Variants in PRKG1 observed in about 807,000 individuals in gnomAD.
The protein encoded by PRKG1 is cGMP-dependent protein kinase 1.
A neutral mutation model predicts 88.1 loss-of-function variants in PRKG1; 35 were observed. That is an observed-to-expected ratio of 0.40 (90% CI 0.30 to 0.53). The LOEUF (loss-of-function observed/expected upper bound fraction) is 0.53, where lower values mean the gene tolerates loss of function less well. Ranked by LOEUF, PRKG1 falls within the 20% of genes least tolerant of loss-of-function variation. The probability of loss-of-function intolerance (pLI) is 0.59; values close to 1 mark genes in which losing one functional copy is unlikely to be tolerated. For missense variants in PRKG1, 540 were observed against 839.8 expected (o/e 0.64, Z 4.41); for synonymous variants, 303 against 292.5 (o/e 1.04, Z -0.37).
chr10:52,243,973 C>A (rs1840934605), intron 9 of PRKG1, among the ~76,000 whole-genome samples: 1 of 152,042 alleles, frequency 6.6e-6, no homozygotes, highest in African/African-American at 2.4e-5. Context: ...TTGGAAATAG[C>A]AGGAGCAAAC....
chr10:51,174,428 T>C (rs1233498042), intron 2 of PRKG1, among the ~76,000 whole-genome samples: 1 of 152,054 alleles, frequency 6.6e-6, no homozygotes, highest in African/African-American at 2.4e-5. Context: ...CTCCTTACAA[T>C]GTCTATGTAA....
chr10:51,469,161 A>G (rs58217278), intron 3 of PRKG1, among the ~76,000 whole-genome samples: 10,624 of 151,898 alleles, frequency 0.07, 431 homozygotes, highest in Middle Eastern at 0.14. Context: ...AACCTTAACT[A>G]TAGAAAGAAT....
At chr10:51,203,603 G>A (rs1207564732) in intron 2 of PRKG1, among the ~76,000 whole-genome samples, 1 of 152,174 alleles carries the variant, frequency 6.6e-6, no homozygotes, top group Non-Finnish European at 1.5e-5. Context: ...CAGCACTGTG[G>A]AAAGGCTTTG....
intron 3 of PRKG1, among the ~76,000 whole-genome samples, chr10:51,724,453 C>T (rs1310096253): frequency 2.0e-5 from 3 of 152,154 alleles, no homozygotes; most frequent in South Asian, 2.1e-4. Flanking sequence ...CTTTCAAAAC[C>T]GTCCCTACTG....
chr10:51,001,439 T>C (rs1243760535), intron 1 of PRKG1, among the ~76,000 whole-genome samples: 1 of 152,232 alleles, frequency 6.6e-6, no homozygotes, highest in Non-Finnish European at 1.5e-5. Flanking sequence ...AAATCTTTGA[T>C]AGGATACACA....
chr10:52,076,373 A>G (rs943285749), intron 7 of PRKG1, among the ~76,000 whole-genome samples: 2 of 152,246 alleles, frequency 1.3e-5, no homozygotes, highest in African/African-American at 4.8e-5. Flanking sequence ...CCTGGCCAAC[A>G]TGGCGAAACC....
chr10:51,907,483 G>A (rs1281649846), intron 4 of PRKG1, 24 bp from the exon 5 acceptor site: 13 of 1,596,240 alleles, frequency 8.1e-6, no homozygotes, highest in Non-Finnish European at 1.0e-5. Context: ...CATGTGTTCA[G>A]CACTATTCTG....
intron 2 of PRKG1, among the ~76,000 whole-genome samples, chr10:51,222,126 C>CT (rs1440424138): frequency 8.4e-6 from 1 of 119,002 alleles, no homozygotes; most frequent in Non-Finnish European, 1.6e-5. Flanking sequence ...ATCCGCGCCC[C>CT]CCCCCGACCC....
At chr10:51,513,863 T>G (rs1841495337) in intron 3 of PRKG1, among the ~76,000 whole-genome samples, 1 of 97,640 alleles carries the variant, frequency 1.0e-5, no homozygotes, top group Non-Finnish European at 2.0e-5. Context: ...AGAGGGAAAT[T>G]TATAGCACTA....
intron 1 of PRKG1, among the ~76,000 whole-genome samples, chr10:51,092,649 C>T (rs1358924501): frequency 1.3e-5 from 2 of 152,146 alleles, no homozygotes; most frequent in African/African-American, 2.4e-5. Flanking sequence ...GCTTATTCAG[C>T]AGTGAAATGA....
At chr10:52,093,861 A>G (rs975664362) in intron 7 of PRKG1, among the ~76,000 whole-genome samples, 12 of 152,146 alleles carry the variant, frequency 7.9e-5, no homozygotes, top group African/African-American at 2.9e-4. Context: ...TCTGAAAACT[A>G]TAGACTCTTC....
chr10:52,034,282 GT>G (rs1475853234), intron 5 of PRKG1, among the ~76,000 whole-genome samples: 1 of 146,056 alleles, frequency 6.8e-6, no homozygotes, highest in Non-Finnish European at 1.5e-5. Flanking sequence ...AAATTTTTGG[GT>G]GGTGGTATGG....
chr10:51,548,616 A>G (rs1787032329), intron 3 of PRKG1, among the ~76,000 whole-genome samples: 1 of 152,112 alleles, frequency 6.6e-6, no homozygotes, highest in South Asian at 2.1e-4. Flanking sequence ...TGTGCCTGAG[A>G]TTATCAGCTG....
chr10:51,547,757 A>G (rs1842475598), intron 3 of PRKG1, among the ~76,000 whole-genome samples: 1 of 152,142 alleles, frequency 6.6e-6, no homozygotes. Flanking sequence ...GGTCCCCTAA[A>G]CTGGTCAATG....
intron 3 of PRKG1, among the ~76,000 whole-genome samples, chr10:51,469,252 A>G (rs1839983874): frequency 1.3e-5 from 2 of 151,898 alleles, no homozygotes; most frequent in Middle Eastern, 3.2e-3. Context: ...AAGATAAAAA[A>G]GACCAGAATA....
rs968316861 is a variant in PRKG1 at position 51,046,813 on chromosome 10, A to G, written c.266+55169A>G. ...TGCAGAATGCTAAGAAGATTTGGAG[A>G]ATATTAAGTACTCTTAATACTGTCG... is the stretch of plus-strand genomic sequence containing the variant. On this transcript the variant is annotated intron_variant, in intron 1 of 17. Transcript: ENST00000401604. Among the ~76,000 whole-genome samples, 3 of 152,318 alleles carry G rather than the reference A, an allele frequency of 2.0e-5. No individual in the cohort carries two copies. In the South Asian group the frequency reaches 6.2e-4, roughly 32 times the overall value.
At chr10:51,163,657 C>G (rs1422373105) in intron 2 of PRKG1, among the ~76,000 whole-genome samples, 1 of 152,228 alleles carries the variant, frequency 6.6e-6, no homozygotes, top group Non-Finnish European at 1.5e-5. Context: ...AAAGGGGTGA[C>G]AGACGGCACC....
intron 1 of PRKG1, among the ~76,000 whole-genome samples, chr10:51,137,569 A>C (rs892280324): frequency 2.6e-5 from 4 of 152,216 alleles, no homozygotes; most frequent in African/African-American, 9.7e-5. Flanking sequence ...TAGAAACCTC[A>C]CTGATACCAG....
At chr10:51,337,246 A>G (rs543584868) in intron 2 of PRKG1, among the ~76,000 whole-genome samples, 28 of 152,342 alleles carry the variant, frequency 1.8e-4, no homozygotes, top group African/African-American at 6.7e-4. Flanking sequence ...CTTATACCTT[A>G]TACAAAAATT....
Sources: gnomAD v4.1 joint callset for allele counts (sites outside exome capture counted in the v4.1 genomes callset) on GRCh38, gnomAD v4.1.1 for gene constraint, MANE v1.5 for transcripts, NCBI Gene and HGNC (gene_info 2026-07-23, HGNC 2026-07-21) for gene names.